The following POM121 variants were observed in gnomAD, a reference collection of about 807,000 sequenced individuals.
The protein encoded by POM121 is POM121 transmembrane nucleoporin.
A neutral mutation model predicts 81.3 loss-of-function variants in POM121; 32 were observed. The ratio of observed to expected loss-of-function variants is 0.39; its 90% CI spans 0.30 to 0.53. The LOEUF is 0.53. Among genes scored for constraint, POM121 ranks in the 20% least tolerant of loss-of-function variants. The pLI is 0.66. For synonymous variants in POM121, 514 were observed against 694.2 expected (o/e 0.74, Z 4.08); for missense variants, 1,138 against 1,614.6 (o/e 0.70, Z 5.06).
chr7:72,946,086 C>A (rs372876196), intron 12 of POM121, 51 bp from the exon 13 acceptor site: 19 of 1,598,738 alleles, frequency 1.2e-5, no homozygotes, highest in Non-Finnish European at 1.6e-5. Context: ...CACCCAGAGT[C>A]AGAGTCTCAG....
In POM121 at chr7:72,930,087, C is replaced by T; in HGVS notation, c.1251C>T (p.Tyr417=). The change falls in exon 5 of 13, where the codon TAC becomes TAT. Residue 417 remains tyrosine, a synonymous_variant. Transcript: ENST00000434423. ...SSSRNAITSS[Y]SSTRGISQLW... ...GCCGCAATGCCATTACCAGTTCCTACAGCTCCACTCGAGGCATCTCACAGG... is the reference window on the plus strand; with the variant it reads ...GCCGCAATGCCATTACCAGTTCCTATAGCTCCACTCGAGGCATCTCACAGG... 1 of 1,612,752 alleles carries T rather than the reference C, an allele frequency of 6.2e-7. No individual in the cohort carries two copies. Among genetic ancestry groups the T allele is most frequent in the Non-Finnish European group, 8.5e-7 (1 of 1,179,314 alleles).
chr7:72,905,363 C>T (rs1295992399), intron 3 of POM121, among the ~76,000 whole-genome samples: 7 of 152,068 alleles, frequency 4.6e-5, no homozygotes, highest in Non-Finnish European at 7.4e-5. Context: ...AATTCTTTTA[C>T]GGTCACAGAA....
At chr7:72,889,903 G>A (rs1228246189) in intron 1 of POM121, among the ~76,000 whole-genome samples, 1 of 151,986 alleles carries the variant, frequency 6.6e-6, no homozygotes, top group Non-Finnish European at 1.5e-5. Context: ...TCATCCCATA[G>A]AATACACAAT....
intron 4 of POM121, among the ~76,000 whole-genome samples, chr7:72,914,156 C>T (rs1794074280): frequency 1.3e-5 from 2 of 152,182 alleles, no homozygotes; most frequent in African/African-American, 4.8e-5. Context: ...CCCAAACCAG[C>T]CCAAATGGGG....
chr7:72,884,469 ATAG>A (rs1790479071), intron 1 of POM121, among the ~76,000 whole-genome samples: 3 of 39,020 alleles, frequency 7.7e-5, no homozygotes, highest in Non-Finnish European at 1.1e-4. Context: ...GATATATATG[ATAG>A]CAAATATATA....
chr7:72,938,505 T>TA, intron 5 of POM121, 85 bp from the exon 6 acceptor site: 1 of 1,419,740 alleles, frequency 7.0e-7, no homozygotes, highest in Non-Finnish European at 9.9e-7. Flanking sequence ...AATGTTTTTT[T>TA]AGTCACTTGA....
intron 3 of POM121, among the ~76,000 whole-genome samples, chr7:72,909,182 G>C (rs1259828858): frequency 5.3e-5 from 8 of 152,140 alleles, no homozygotes; most frequent in Non-Finnish European, 1.0e-4. Context: ...CCTCTGTTCG[G>C]GGTCCCTGAC....
intron 3 of POM121, among the ~76,000 whole-genome samples, chr7:72,911,839 A>G (rs1793836224): frequency 1.3e-5 from 2 of 152,188 alleles, no homozygotes; most frequent in African/African-American, 4.8e-5. Context: ...AAGATAACCC[A>G]AACTCCCACC....
At chr7:72,924,972 G>A, upstream of POM121, 1 of 1,277,246 alleles carries the variant, frequency 7.8e-7, no homozygotes, top group Non-Finnish European at 1.0e-6. Context: ...AAGGCAGGCG[G>A]CATTTTCCAA....
In POM121 at chr7:72,884,078, T is replaced by A. The variant is rs9768037; in HGVS notation, c.-521+4193T>A. Among the ~76,000 whole-genome samples, 238 of 152,288 alleles carry A rather than the reference T, an allele frequency of 1.6e-3. 1 individual carries two copies. In the East Asian group the frequency reaches 0.016, roughly 10 times the overall value. Reference sequence around the variant, plus strand: ...ATGCCACAATGCCCAGCGGATTTTTTAATTTTTATTAGAGACAGGTTTCTC... The same window carrying A: ...ATGCCACAATGCCCAGCGGATTTTTAAATTTTTATTAGAGACAGGTTTCTC... On this transcript the variant is annotated intron_variant, in intron 1 of 15. Transcript: ENST00000395270.
intron 3 of POM121, among the ~76,000 whole-genome samples, chr7:72,899,114 T>G (rs562995627): frequency 6.6e-6 from 1 of 150,748 alleles, no homozygotes; most frequent in Non-Finnish European, 1.5e-5. Context: ...CCTGAGTAGC[T>G]GGGGATTATA....
chr7:72,913,633 C>G (rs1554494645), intron 3 of POM121: 1 of 152,454 alleles, frequency 6.6e-6, no homozygotes, highest in Non-Finnish European at 1.5e-5. Context: ...GGCACCTTCT[C>G]TCTTCTCCTG....
Position 72,943,376 on chromosome 7 carries a change from G to C in POM121, c.3383G>C (p.Ser1128Thr), listed in dbSNP as rs782364588. Residue 1128 changes from serine (S) to threonine (T), a missense_variant, in exon 11 of 13, where the codon AGC becomes ACC. Ser to Thr is a moderately conservative substitution (Grantham distance 58). This residue lies in a region of POM121 where 336 missense variants were observed against 344.3 expected (regional missense o/e 0.98). Transcript: ENST00000434423. ...TCCAGCACCACCACCGGAGCTTTCAGCTTTGGAGCAGGACAGAGTGGGAGC... is the reference window on the plus strand; with the variant it reads ...TCCAGCACCACCACCGGAGCTTTCACCTTTGGAGCAGGACAGAGTGGGAGC... Reference protein sequence around the residue: ...PGSSTTTGAFSFGAGQSGSTA... With the variant: ...PGSSTTTGAFTFGAGQSGSTA... 3 of 1,613,272 alleles carry C rather than the reference G, an allele frequency of 1.9e-6. No homozygotes were observed. The highest frequency in any genetic ancestry group is 2.5e-6 in the Non-Finnish European group (3 of 1,179,762).
downstream of POM121, chr7:72,948,632 ATCCTGCGCC>A: frequency 1.9e-6 from 3 of 1,603,870 alleles, no homozygotes; most frequent in South Asian, 3.3e-5. Flanking sequence ...TGCCAGTACC[ATCCTGCGCC>A]TCCCAAGCAT....
In POM121 at chr7:72,928,427, C is replaced by G. The variant is rs1554497979; in HGVS notation, c.1065C>G (p.Pro355=). The G allele has an allele frequency of 6.2e-7, 1 of 1,614,212 alleles. No individual in the cohort carries two copies. Among genetic ancestry groups the G allele is most frequent in the Non-Finnish European group, 8.5e-7 (1 of 1,180,030 alleles). Residue 355 remains proline, a synonymous_variant, in exon 4 of 13, where the codon CCC becomes CCG. Coordinates refer to ENST00000434423, the MANE Select transcript of POM121 (RefSeq NM_001387691.1). The part of the protein sequence containing the change: ...SSGSGHSAFE[P]LVANGVPASF... ...GCAGTGGACATTCAGCATTTGAGCCCCTGGTGGCCAATGGAGTCCCCGCTT... is the reference window on the plus strand; with the variant it reads ...GCAGTGGACATTCAGCATTTGAGCCGCTGGTGGCCAATGGAGTCCCCGCTT...
downstream of POM121, chr7:72,949,315 G>C (rs782745090): frequency 2.8e-5 from 23 of 814,752 alleles, no homozygotes; most frequent in Non-Finnish European, 5.1e-5. Flanking sequence ...CATCTCACCC[G>C]AGCCACTGCA....
At chr7:72,950,052 GC>G (rs1797958035), downstream of POM121, 1 of 1,554,284 alleles carries the variant, frequency 6.4e-7, no homozygotes, top group Admixed American at 1.7e-5. Flanking sequence ...TATTCCTCTT[GC>G]CTACCCTGTC....
At chr7:72,882,179 G>C (rs1265186273) in intron 1 of POM121, among the ~76,000 whole-genome samples, 3 of 152,176 alleles carry the variant, frequency 2.0e-5, no homozygotes, top group African/African-American at 7.2e-5. Flanking sequence ...AATTTATAAA[G>C]AAAAGAGGTT....
chr7:72,894,150 G>A (rs1239053462), intron 3 of POM121, among the ~76,000 whole-genome samples: 1 of 152,140 alleles, frequency 6.6e-6, no homozygotes, highest in African/African-American at 2.4e-5. Context: ...TGTAGTCCCA[G>A]ATATTTGGAG....
Sources: allele counts gnomAD v4.1 joint callset (sites outside exome capture counted in the v4.1 genomes callset), GRCh38; gene constraint gnomAD v4.1.1; regional missense constraint gnomAD v4.1.1; transcripts MANE v1.5; gene names NCBI Gene and HGNC (gene_info 2026-07-23, HGNC 2026-07-21).